USP34: variants seen among roughly 807,000 people sequenced by gnomAD.
USP34 encodes the protein ubiquitin specific peptidase 34.
A neutral mutation model predicts 460.3 loss-of-function variants in USP34; 70 were observed. The observed-to-expected ratio is 0.15, with a 90% CI of 0.13 to 0.19. The LOEUF (loss-of-function observed/expected upper bound fraction) is 0.19. USP34 is among the 10% of genes least tolerant of loss of function. The probability of loss-of-function intolerance (pLI) is 1.00; values close to 1 mark genes in which losing one functional copy is unlikely to be tolerated. For synonymous variants in USP34, 1,647 were observed against 1,405.3 expected (o/e 1.17, Z -3.85); for missense variants, 3,985 against 4,236.2 (o/e 0.94, Z 1.65).
Position 61,331,387 on chromosome 2 carries a change from G to C in USP34, c.2835-16C>G, listed in dbSNP as rs1553371382. 1 of 1,599,610 alleles carries C rather than the reference G, an allele frequency of 6.3e-7. No homozygotes were observed. The highest frequency in any genetic ancestry group is 8.5e-7 in the Non-Finnish European group (1 of 1,173,916). On this transcript the variant is annotated splice_polypyrimidine_tract_variant and intron_variant, in intron 19 of 79. Transcript: ENST00000398571. The stretch of plus-strand genomic sequence containing the variant: ...TTCTGCCCACCTGGCCCAAATAAAA[G>C]AAAAAATAATTTTAAAGTGGGCAGG...
intron 1 of USP34, among the ~76,000 whole-genome samples, chr2:61,442,289 G>A (rs899889693): frequency 1.3e-5 from 2 of 151,484 alleles, no homozygotes; most frequent in African/African-American, 4.9e-5. Context: ...GTATAGCAAA[G>A]GCAAAAATCA....
chr2:61,325,549 A>AT, intron 20 of USP34, 92 bp from the exon 21 acceptor site: 1 of 678,886 alleles, frequency 1.5e-6, no homozygotes, highest in Non-Finnish European at 2.2e-6. Flanking sequence ...TATACCAAAA[A>AT]TTGTTTTAAT....
intron 21 of USP34, among the ~76,000 whole-genome samples, chr2:61,322,137 G>A (rs1481982771): frequency 6.6e-6 from 1 of 152,094 alleles, no homozygotes; most frequent in African/African-American, 2.4e-5. Flanking sequence ...GGCTGAGGCA[G>A]GAGAATCGCT....
At chr2:61,429,107 C>A (rs1395813502) in intron 1 of USP34, among the ~76,000 whole-genome samples, 5 of 152,162 alleles carry the variant, frequency 3.3e-5, no homozygotes, top group Non-Finnish European at 7.4e-5. Flanking sequence ...TCTAGACCAG[C>A]CTGGGCAACA....
chr2:61,468,691 T>C (rs974968620), intron 1 of USP34, among the ~76,000 whole-genome samples: 1 of 152,224 alleles, frequency 6.6e-6, no homozygotes, highest in Non-Finnish European at 1.5e-5. Flanking sequence ...GAACTAACTG[T>C]ATTTGCTTAA....
In USP34 at chr2:61,256,513, A is replaced by G. The variant is rs778438215; in HGVS notation, c.6127-35T>C. The G allele has an allele frequency of 2.7e-5, 40 of 1,479,706 alleles. 1 individual carries two copies. In the South Asian group the frequency reaches 4.5e-4, roughly 17 times the overall value. The allele number at this position is 1,479,706 out of a possible 1,614,324, so 91.7% of individuals were successfully genotyped here. A position where few individuals can be genotyped will look rare whatever the true frequency, so the allele number is the denominator to read the frequency against. ...AAACCACATTTAAAAGTTTCATATT[A>G]TTGTTTATAGCATGCAAATATACAA... On this transcript the variant is annotated intron_variant, in intron 47 of 79. Coordinates refer to ENST00000398571, the MANE Select transcript of USP34 (RefSeq NM_014709.4).
chr2:61,220,518 T>C, intron 66 of USP34, 61 bp from the exon 67 acceptor site: 2 of 1,466,948 alleles, frequency 1.4e-6, no homozygotes, highest in Non-Finnish European at 1.8e-6. Context: ...TACTTTTACT[T>C]ACTTTTTGTA....
chr2:61,300,484 C>T (rs936867699), intron 29 of USP34, among the ~76,000 whole-genome samples: 3 of 150,678 alleles, frequency 2.0e-5, no homozygotes, highest in African/African-American at 7.3e-5. Flanking sequence ...ACCGCCCCGG[C>T]CCAATTTTAC....
In USP34 at chr2:61,189,055, G is replaced by A. The variant is rs564470263; in HGVS notation, c.9888C>T (p.Leu3296=). The A allele has an allele frequency of 7.6e-5, 122 of 1,613,512 alleles. 2 individuals are homozygous for A. The East Asian group carries it at 1.1e-3, about 14-fold the overall frequency. ...GAGTGTGTACTGACAGGAGCAAAGC[G>A]AGTGCCCTCAGGTCCTACAAAAACC... ...SASLNGDLRA[L]ALLLSVHTPK... is the part of the protein sequence containing the mutation. The change falls in exon 79 of 80, where the codon CTC becomes CTT. Residue 3296 remains leucine, a synonymous_variant. Coordinates refer to ENST00000398571, the MANE Select transcript of USP34 (RefSeq NM_014709.4).
chr2:61,431,698 T>C (rs1694679931), intron 1 of USP34, among the ~76,000 whole-genome samples: 1 of 151,500 alleles, frequency 6.6e-6, no homozygotes, highest in African/African-American at 2.4e-5. Context: ...CTACTAAAAT[T>C]CAAAAACTTA....
chr2:61,346,732 T>C (rs1202957220), intron 15 of USP34, among the ~76,000 whole-genome samples: 3 of 143,152 alleles, frequency 2.1e-5, no homozygotes, highest in Non-Finnish European at 3.0e-5. Context: ...CTCAGTAGGC[T>C]GAAGCAGAAG....
At chr2:61,346,557 C>A (rs1375425815) in intron 15 of USP34, among the ~76,000 whole-genome samples, 1 of 133,924 alleles carries the variant, frequency 7.5e-6, no homozygotes, top group Non-Finnish European at 1.6e-5. Flanking sequence ...AAAAAAAGGC[C>A]AGGTGCAGTG....
intron 29 of USP34, among the ~76,000 whole-genome samples, chr2:61,299,420 G>C (rs1690150297): frequency 6.6e-6 from 1 of 152,106 alleles, no homozygotes; most frequent in Non-Finnish European, 1.5e-5. Flanking sequence ...GATTGAATAT[G>C]GCTCCTTTAG....
In USP34 at chr2:61,383,218, T is replaced by A. The variant is rs770436145; in HGVS notation, c.821+51A>T. On this transcript the variant is annotated intron_variant, in intron 6 of 79. Coordinates refer to ENST00000398571, the MANE Select transcript of USP34 (RefSeq NM_014709.4). ...CAATATAATTCTATATTATAAATTG[T>A]TTAAATATATTACACTGATAATCGG... 8.4e-6 allele frequency: 11 copies of A among 1,305,008 alleles called. No individual in the cohort carries two copies. The South Asian group carries it at 1.3e-4, about 15-fold the overall frequency. The allele number at this position is 1,305,008 out of a possible 1,614,324, so 80.8% of individuals were successfully genotyped here.
intron 10 of USP34, among the ~76,000 whole-genome samples, chr2:61,351,295 T>A (rs1022315120): frequency 6.6e-6 from 1 of 152,228 alleles, no homozygotes; most frequent in Non-Finnish European, 1.5e-5. Flanking sequence ...ATAAAGTATT[T>A]ATATAATGCT....
At chr2:61,380,471 A>C in intron 6 of USP34, 110 bp from the exon 7 acceptor site, 1 of 1,105,600 alleles carries the variant, frequency 9.0e-7, no homozygotes, top group Non-Finnish European at 1.3e-6. Flanking sequence ...TGTGTCCAAA[A>C]CCCACAAACC....
intron 58 of USP34, among the ~76,000 whole-genome samples, chr2:61,230,726 C>T (rs940712148): frequency 2.6e-5 from 4 of 151,758 alleles, no homozygotes; most frequent in African/African-American, 7.3e-5. Context: ...CGCCTGTAAT[C>T]CCAGCTACTT....
At chr2:61,272,787 T>G (rs1348915369) in intron 41 of USP34, among the ~76,000 whole-genome samples, 1 of 152,102 alleles carries the variant, frequency 6.6e-6, no homozygotes, top group Non-Finnish European at 1.5e-5. Context: ...TAAGAACAAC[T>G]AACTTAACAT....
intron 41 of USP34, among the ~76,000 whole-genome samples, chr2:61,275,772 A>T (rs1460317493): frequency 6.6e-6 from 1 of 152,102 alleles, no homozygotes; most frequent in Non-Finnish European, 1.5e-5. Context: ...AGAGTAAGTG[A>T]CTCAGTCATG....
Sources: allele counts gnomAD v4.1 joint callset (sites outside exome capture counted in the v4.1 genomes callset), GRCh38; gene constraint gnomAD v4.1.1; transcripts MANE v1.5; gene names NCBI Gene and HGNC (gene_info 2026-07-23, HGNC 2026-07-21).